The following WDFY4 variants were observed in gnomAD, a reference collection of about 807,000 sequenced individuals.
WDFY4 encodes WDFY family member 4.
Under a neutral mutation model 351.9 loss-of-function variants are expected in WDFY4, and 169 were observed. The observed-to-expected ratio is 0.48, with a 90% confidence interval of 0.42 to 0.55. The LOEUF is 0.55. Ranked by LOEUF, WDFY4 falls within the 20% of genes least tolerant of loss-of-function variation. WDFY4 has a pLI of 0.00. For missense variants in WDFY4, 3,803 were observed against 3,935.6 expected (o/e 0.97, Z 0.90); for synonymous variants, 1,622 against 1,574.6 (o/e 1.03, Z -0.71).
At chr10:48,838,750 C>T (rs765433514) in intron 39 of WDFY4, among the ~76,000 whole-genome samples, 2 of 152,196 alleles carry the variant, frequency 1.3e-5, no homozygotes, top group African/African-American at 4.8e-5. Context: ...TCCCAGACAT[C>T]GTATTATTTC....
intron 12 of WDFY4, among the ~76,000 whole-genome samples, chr10:48,744,829 T>G (rs1313329552): frequency 6.6e-6 from 1 of 152,232 alleles, no homozygotes; most frequent in Non-Finnish European, 1.5e-5. Flanking sequence ...AGTTTCCATT[T>G]GTGGGCATCC....
At chr10:48,771,955 T>A (rs1379026679) in intron 13 of WDFY4, among the ~76,000 whole-genome samples, 1 of 152,146 alleles carries the variant, frequency 6.6e-6, no homozygotes. Flanking sequence ...TAGAAAGAGA[T>A]TATTCAGGTA....
intron 24 of WDFY4, chr10:48,802,592 G>A: frequency 2.4e-6 from 1 of 418,378 alleles, no homozygotes; most frequent in Non-Finnish European, 4.9e-6. Flanking sequence ...AATAAGACAT[G>A]ATGGCATCCA....
At chr10:48,943,208 G>A in intron 48 of WDFY4, 122 bp from the exon 49 acceptor site, 6 of 1,162,840 alleles carry the variant, frequency 5.2e-6, no homozygotes, top group Admixed American at 2.5e-5. Flanking sequence ...GTAACCGAGG[G>A]GCTGGCTGCC....
At chr10:48,944,317 C>A (rs1456855839) in intron 49 of WDFY4, among the ~76,000 whole-genome samples, 1 of 152,190 alleles carries the variant, frequency 6.6e-6, no homozygotes, top group African/African-American at 2.4e-5. Context: ...GGTGAGATGA[C>A]AAGAACAGAT....
intron 45 of WDFY4, among the ~76,000 whole-genome samples, chr10:48,899,505 CA>C (rs1480472113): frequency 6.6e-6 from 1 of 151,898 alleles, no homozygotes; most frequent in African/African-American, 2.4e-5. Flanking sequence ...CCTCCATGTA[CA>C]GGTCTCTTCT....
intron 41 of WDFY4, 42 bp from the exon 42 acceptor site, chr10:48,875,047 G>A: frequency 6.2e-6 from 8 of 1,280,662 alleles, no homozygotes; most frequent in Non-Finnish European, 8.4e-6. Context: ...CATAGATGTA[G>A]CATCCAGGAT....
intron 55 of WDFY4, chr10:48,967,858 C>T (rs758473400): frequency 6.6e-6 from 1 of 152,226 alleles, no homozygotes; most frequent in Non-Finnish European, 1.5e-5. Context: ...CCTTTTTTAT[C>T]CTTGAAGTCC....
chr10:48,966,428 G>A (rs898456921), intron 54 of WDFY4, 98 bp from the exon 55 acceptor site: 151 of 1,352,246 alleles, frequency 1.1e-4, no homozygotes, highest in Non-Finnish European at 1.4e-4. Context: ...CCGAGCTGTG[G>A]CAACCCCCAG....
chr10:48,904,043 G>A (rs1837494408), intron 47 of WDFY4, among the ~76,000 whole-genome samples: 1 of 152,218 alleles, frequency 6.6e-6, no homozygotes, highest in Admixed American at 6.5e-5. Flanking sequence ...GTCAAGTGTT[G>A]TTGGTAGGCC....
At chr10:48,950,283 G>A (rs1034409281) in intron 51 of WDFY4, among the ~76,000 whole-genome samples, 6 of 152,274 alleles carry the variant, frequency 3.9e-5, no homozygotes, top group Middle Eastern at 3.4e-3. Flanking sequence ...TCTTATAAGT[G>A]GAATTATGCA....
chr10:48,966,753 C>A (rs1842102153), intron 55 of WDFY4, 80 bp downstream of exon 55: 1 of 1,486,158 alleles, frequency 6.7e-7, no homozygotes, highest in Non-Finnish European at 9.0e-7. Context: ...GGAGGTCCAG[C>A]ACCACATACC....
chr10:48,768,723 AAGAGAGAGAG>A (rs71026224), intron 13 of WDFY4, among the ~76,000 whole-genome samples: 26 of 141,058 alleles, frequency 1.8e-4, no homozygotes, highest in Middle Eastern at 3.7e-3. Context: ...GGGAGAGGAG[AAGAGAGAGAG>A]AGAGAGAGAG....
intron 1 of WDFY4, among the ~76,000 whole-genome samples, chr10:48,695,752 C>T (rs546697887): frequency 1.7e-4 from 26 of 152,048 alleles, no homozygotes; most frequent in Non-Finnish European, 2.9e-4. Context: ...GTCTCCAACT[C>T]AGGTCTTTGT....
chr10:48,859,309 G>A (rs952239043), intron 39 of WDFY4, among the ~76,000 whole-genome samples: 5 of 152,022 alleles, frequency 3.3e-5, no homozygotes, highest in Non-Finnish European at 7.4e-5. Flanking sequence ...ATTTTAAAGC[G>A]AAAGTATTCA....
chr10:48,743,685 C>A, intron 12 of WDFY4, 137 bp downstream of exon 12: 1 of 1,035,216 alleles, frequency 9.7e-7, no homozygotes, highest in Non-Finnish European at 1.4e-6. Context: ...TCAACTTCCT[C>A]AAATCAAGTT....
At chr10:48,880,236 C>A (rs1457479814) in intron 43 of WDFY4, among the ~76,000 whole-genome samples, 1 of 152,206 alleles carries the variant, frequency 6.6e-6, no homozygotes, top group Admixed American at 6.5e-5. Context: ...TGAGTCCCAG[C>A]CCCGCCTCTT....
chr10:48,798,984 A>G (rs1451750990), intron 24 of WDFY4, among the ~76,000 whole-genome samples: 1 of 152,174 alleles, frequency 6.6e-6, no homozygotes, highest in Non-Finnish European at 1.5e-5. Flanking sequence ...AATGGCCATA[A>G]AACCCCACTA....
intron 39 of WDFY4, among the ~76,000 whole-genome samples, chr10:48,856,599 C>A (rs1295147494): frequency 6.6e-6 from 1 of 152,092 alleles, no homozygotes; most frequent in African/African-American, 2.4e-5. Flanking sequence ...TTCTTTGATA[C>A]TATACCAAAA....
Sources: gnomAD v4.1 joint callset for allele counts (sites outside exome capture counted in the v4.1 genomes callset) on GRCh38, gnomAD v4.1.1 for gene constraint, MANE v1.5 for transcripts, NCBI Gene and HGNC (gene_info 2026-07-23, HGNC 2026-07-21) for gene names.